HECA: variants seen among roughly 807,000 people sequenced by gnomAD.
The protein encoded by HECA is headcase protein homolog.
HECA carries 13 observed loss-of-function variants against 37.6 expected under a neutral mutation model. The ratio of observed to expected loss-of-function variants is 0.35; its 90% CI spans 0.23 to 0.55. The LOEUF is 0.55. Ranked by LOEUF, HECA falls within the 20% of genes least tolerant of loss-of-function variation. The pLI, the probability that HECA is intolerant of heterozygous loss-of-function variation, is 0.90. For synonymous variants in HECA, 307 were observed against 291.5 expected (o/e 1.05, Z -0.54); for missense variants, 527 against 701.9 (o/e 0.75, Z 2.82).
intron 1 of HECA, among the ~76,000 whole-genome samples, chr6:139,155,953 G>C (rs1242677269): frequency 6.6e-6 from 1 of 152,090 alleles, no homozygotes; most frequent in East Asian, 1.9e-4. Flanking sequence ...TTTCAAAGCT[G>C]TCAGGTCAAC....
At chr6:139,157,456 T>C (rs1322055470) in intron 1 of HECA, among the ~76,000 whole-genome samples, 1 of 152,226 alleles carries the variant, frequency 6.6e-6, no homozygotes, top group Non-Finnish European at 1.5e-5. Flanking sequence ...AGAGTACTTA[T>C]TTGTCTGACA....
At position 139,167,009 on chromosome 6, in the gene HECA, A is replaced by T. The variant is rs1300725686; in HGVS notation, c.997A>T (p.Arg333Trp). The part of the protein sequence containing the change: ...DYSPAGLAVH[R>W]GGHFDTPVQF... Reference sequence around the variant, plus strand: ...CAGCCCTGCGGGGTTGGCAGTTCACAGGGGGGGACACTTCGACACCCCCGT... The same window carrying T: ...CAGCCCTGCGGGGTTGGCAGTTCACTGGGGGGGACACTTCGACACCCCCGT... The change falls in exon 2 of 4, where the codon AGG (arginine) becomes TGG (tryptophan). Residue 333 changes from arginine to tryptophan, a missense_variant. By Grantham distance (101) the Arg-to-Trp change is moderately radical. Transcript: ENST00000367658. 4 of 1,613,998 alleles carry T rather than the reference A, an allele frequency of 2.5e-6. No individual in the cohort carries two copies. Among genetic ancestry groups the T allele is most frequent in the Non-Finnish European group, 1.7e-6 (2 of 1,180,016 alleles).
chr6:139,149,625 T>C (rs3777677), intron 1 of HECA, among the ~76,000 whole-genome samples: 1 of 151,930 alleles, frequency 6.6e-6, no homozygotes, highest in Non-Finnish European at 1.5e-5. Context: ...TCTGCTGCTT[T>C]GGGGGGAGCC....
intron 1 of HECA, among the ~76,000 whole-genome samples, chr6:139,139,128 C>T (rs1348756295): frequency 6.6e-6 from 1 of 152,220 alleles, no homozygotes; most frequent in Non-Finnish European, 1.5e-5. Flanking sequence ...TTCCTTACTG[C>T]CTCTAGAACC....
chr6:139,171,384 C>T (rs1045786639), intron 2 of HECA, among the ~76,000 whole-genome samples: 3 of 152,238 alleles, frequency 2.0e-5, no homozygotes, highest in South Asian at 2.1e-4. Context: ...ATAGATAATG[C>T]GCACATTAGA....
At position 139,166,705 on chromosome 6, in the gene HECA, C is replaced by T. The variant is rs1286410336; in HGVS notation, c.693C>T (p.Pro231=). The T allele has an allele frequency of 7.4e-6, 12 of 1,611,846 alleles. No individual in the cohort carries two copies. In the South Asian group the frequency reaches 1.1e-4, roughly 15 times the overall value. The change falls in exon 2 of 4, where the codon CCC becomes CCT. Residue 231 remains proline, a synonymous_variant. Coordinates refer to ENST00000367658, the MANE Select transcript of HECA (RefSeq NM_016217.3). ...AAAAGTGCAGGCCCCCAAATAAGCCCCAGAAAGGCCCAAGCCACGACCTCC... is the reference window on the plus strand; with the variant it reads ...AAAAGTGCAGGCCCCCAAATAAGCCTCAGAAAGGCCCAAGCCACGACCTCC... ...EAKKCRPPNK[P]QKGPSHDLPR...
rs1774448331 is a variant in HECA, at chr6:139,136,591, C to T, written c.271+924C>T. Among the ~76,000 whole-genome samples, 4 of 150,432 alleles carry T rather than the reference C, an allele frequency of 2.7e-5. 1 individual carries two copies. In the South Asian group the frequency reaches 6.3e-4, roughly 24 times the overall value. On this transcript the variant is annotated intron_variant, in intron 1 of 3. Transcript: ENST00000367658. Reference sequence around the variant, plus strand: ...GTTATATCTGGCTTTTAATTTATAGCGTCAGCTTTTGAAGCCATTCTTTAT... The same window carrying T: ...GTTATATCTGGCTTTTAATTTATAGTGTCAGCTTTTGAAGCCATTCTTTAT...
chr6:139,150,812 A>G (rs1474805860), intron 1 of HECA, among the ~76,000 whole-genome samples: 1 of 152,230 alleles, frequency 6.6e-6, no homozygotes. Flanking sequence ...TGAACATTTA[A>G]TTAAAATATC....
At chr6:139,140,639 C>T (rs1338006760) in intron 1 of HECA, among the ~76,000 whole-genome samples, 3 of 152,080 alleles carry the variant, frequency 2.0e-5, no homozygotes, top group Non-Finnish European at 4.4e-5. Flanking sequence ...GAATTGAAAA[C>T]GGGAGATAAA....
At chr6:139,173,955 A>G (rs568857708) in intron 2 of HECA, among the ~76,000 whole-genome samples, 1 of 152,126 alleles carries the variant, frequency 6.6e-6, no homozygotes, top group Non-Finnish European at 1.5e-5. Flanking sequence ...GATTTTTATG[A>G]TGGGACTTGT....
At chr6:139,148,906 G>T (rs928597757) in intron 1 of HECA, among the ~76,000 whole-genome samples, 6 of 152,002 alleles carry the variant, frequency 3.9e-5, no homozygotes, top group African/African-American at 9.7e-5. Context: ...AAAATCCCTT[G>T]TAGTTTTTTT....
At chr6:139,147,248 G>A (rs1002237719) in intron 1 of HECA, among the ~76,000 whole-genome samples, 3 of 152,196 alleles carry the variant, frequency 2.0e-5, no homozygotes, top group African/African-American at 7.2e-5. Flanking sequence ...ACTGTATGCA[G>A]ATTTTTAAAG....
intron 1 of HECA, among the ~76,000 whole-genome samples, chr6:139,140,940 G>A (rs933797034): frequency 2.7e-4 from 41 of 152,014 alleles, no homozygotes; most frequent in Admixed American, 2.1e-3. Context: ...ACAGGCACCC[G>A]CCACAATGCC....
chr6:139,163,275 G>C (rs1163070843), intron 1 of HECA, among the ~76,000 whole-genome samples: 1 of 151,990 alleles, frequency 6.6e-6, no homozygotes, highest in Non-Finnish European at 1.5e-5. Context: ...CAGAGATCCA[G>C]CCCAAATGTC....
intron 1 of HECA, chr6:139,151,135 C>T (rs576084369): frequency 6.6e-6 from 1 of 152,282 alleles, no homozygotes; most frequent in South Asian, 2.1e-4. Flanking sequence ...TGGCCCCAGG[C>T]AAAAGCTTTG....
In HECA at chr6:139,166,936, G is replaced by A. The variant is rs1459723426; in HGVS notation, c.924G>A (p.Lys308=). Residue 308 remains lysine, a synonymous_variant, in exon 2 of 4, where the codon AAG becomes AAA. Transcript: ENST00000367658. ...LKNAIHLEPH[K]KAMAGGHVFR... The stretch of plus-strand genomic sequence containing the variant: ...ACGCCATCCATCTGGAGCCTCACAA[G>A]AAGGCCATGGCTGGGGGCCATGTGT... 2 of 1,614,146 alleles carry A rather than the reference G, an allele frequency of 1.2e-6. No homozygotes were observed. Among genetic ancestry groups the A allele is most frequent in the African/African-American group, 2.7e-5 (2 of 75,072 alleles).
Position 139,166,564 on chromosome 6 carries a change from C to G in HECA, c.552C>G (p.His184Gln). 1 of 1,614,226 alleles carries G rather than the reference C, an allele frequency of 6.2e-7. No homozygotes were observed. Among genetic ancestry groups the G allele is most frequent in the Non-Finnish European group, 8.5e-7 (1 of 1,180,050 alleles). ...RFCSCRCGQG[H>Q]LKKDTDWYQV... Reference sequence around the variant, plus strand: ...GCTCTTGCCGCTGTGGCCAGGGCCACTTGAAGAAGGACACAGACTGGTATC... The same window carrying G: ...GCTCTTGCCGCTGTGGCCAGGGCCAGTTGAAGAAGGACACAGACTGGTATC... The change falls in exon 2 of 4, where the codon CAC becomes CAG. Residue 184 changes from histidine to glutamine, a missense_variant. By Grantham distance (24) the His-to-Gln change is conservative (BLOSUM62 0). Transcript: ENST00000367658.
chr6:139,138,677 C>T (rs1487508799), intron 1 of HECA, among the ~76,000 whole-genome samples: 3 of 152,084 alleles, frequency 2.0e-5, no homozygotes, highest in Non-Finnish European at 4.4e-5. Flanking sequence ...TTGGGGAAGC[C>T]GCGGTATAGT....
At position 139,164,080 on chromosome 6, in the gene HECA, A is replaced by ACACTCT. The variant is rs1554218212; in HGVS notation, c.272-2203_272-2202insACTCTC. On this transcript the variant is annotated intron_variant, in intron 1 of 3. Transcript: ENST00000367658. ...CACACACACACAAACACACACACAC[A>ACACTCT]CTCTCTCTCTCTCTCTCTCTGAGCA... is the stretch of plus-strand genomic sequence containing the variant. Among the ~76,000 whole-genome samples, 721 of 148,162 alleles carry ACACTCT rather than the reference A, an allele frequency of 4.9e-3. 3 individuals are homozygous for ACACTCT. Among genetic ancestry groups the ACACTCT allele is most frequent in the Non-Finnish European group, 5.7e-3 (384 of 66,998 alleles).
Sources: gnomAD v4.1 joint callset for allele counts (sites outside exome capture counted in the v4.1 genomes callset) on GRCh38, gnomAD v4.1.1 for gene constraint, MANE v1.5 for transcripts, NCBI Gene and HGNC (gene_info 2026-07-23, HGNC 2026-07-21) for gene names.